The following SCHIP1 variants were observed in gnomAD, a reference collection of about 807,000 sequenced individuals.
SCHIP1 encodes schwannomin-interacting protein 1.
A neutral mutation model predicts 29.7 loss-of-function variants in SCHIP1; 8 were observed. The observed-to-expected ratio is 0.27, with a 90% confidence interval of 0.16 to 0.49. SCHIP1 has a LOEUF of 0.49. Among genes scored for constraint, SCHIP1 ranks in the 20% least tolerant of loss-of-function variants. SCHIP1 has a pLI of 0.99. For synonymous variants in SCHIP1, 76 were observed against 94.9 expected (o/e 0.80, Z 1.16); for missense variants, 193 against 294.6 (o/e 0.66, Z 2.52).
the SCHIP1 span, among the ~76,000 whole-genome samples, chr3:159,316,501 T>C: frequency 6.6e-6 from 1 of 152,190 alleles, no homozygotes; most frequent in South Asian, 2.1e-4. Flanking sequence ...TCAATCTCTA[T>C]TGGCAATACT....
the SCHIP1 span, among the ~76,000 whole-genome samples, chr3:159,624,002 A>G: frequency 7.9e-5 from 12 of 152,194 alleles, no homozygotes; most frequent in Admixed American, 2.6e-4. Context: ...CAGAAATCTG[A>G]TGTTTCCAAG....
At chr3:159,609,729 G>A in the SCHIP1 span, among the ~76,000 whole-genome samples, 161 of 152,110 alleles carry the variant, frequency 1.1e-3, no homozygotes, top group Non-Finnish European at 1.9e-3. Flanking sequence ...ACGAGCCCTG[G>A]ACGACTCGCC....
chr3:159,889,027 TACA>T, intron 5 of SCHIP1, 84 bp downstream of exon 6: 2 of 1,493,916 alleles, frequency 1.3e-6, no homozygotes, highest in Admixed American at 2.1e-5. Flanking sequence ...AACTTTTTCA[TACA>T]ACATTTCATT....
At chr3:159,570,327 T>C in the SCHIP1 span, among the ~76,000 whole-genome samples, 1 of 152,198 alleles carries the variant, frequency 6.6e-6, no homozygotes, top group Non-Finnish European at 1.5e-5. Context: ...TTGTATAAGA[T>C]GTAAGGAAGG....
At chr3:159,756,124 C>T in the SCHIP1 span, among the ~76,000 whole-genome samples, 3 of 152,366 alleles carry the variant, frequency 2.0e-5, no homozygotes, top group East Asian at 5.8e-4. Context: ...GACAGTACCT[C>T]AGTAGGGGCT....
At chr3:159,281,914 A>G in the SCHIP1 span, among the ~76,000 whole-genome samples, 1 of 152,174 alleles carries the variant, frequency 6.6e-6, no homozygotes, top group Non-Finnish European at 1.5e-5. Flanking sequence ...ATGTGTATAC[A>G]CTAGGTATTA....
the SCHIP1 span, among the ~76,000 whole-genome samples, chr3:159,762,303 G>A: frequency 1.5e-3 from 233 of 152,346 alleles, no homozygotes; most frequent in South Asian, 5.0e-3. Context: ...GCTGCTTCCA[G>A]AGGAGTTGAA....
the SCHIP1 span, among the ~76,000 whole-genome samples, chr3:159,657,583 A>C: frequency 6.6e-6 from 1 of 152,248 alleles, no homozygotes; most frequent in Non-Finnish European, 1.5e-5. Context: ...TCTTATTGGC[A>C]TAAGTTTCCT....
chr3:159,892,284 T>A, intron 6 of SCHIP1, 94 bp downstream of exon 7: 1 of 1,421,102 alleles, frequency 7.0e-7, no homozygotes. Context: ...AACTTCTTCC[T>A]CTACTTCCAT....
the SCHIP1 span, among the ~76,000 whole-genome samples, chr3:159,424,253 G>A: frequency 2.6e-5 from 4 of 151,872 alleles, no homozygotes; most frequent in East Asian, 7.7e-4. Flanking sequence ...AACTACAGGA[G>A]GAAATTCAAA....
chr3:159,320,622 CT>C, the SCHIP1 span, among the ~76,000 whole-genome samples: 157 of 150,922 alleles, frequency 1.0e-3, no homozygotes, highest in Admixed American at 4.3e-3. Context: ...TTTTTTCCCC[CT>C]GTTACAGTAA....
chr3:159,678,538 C>T, the SCHIP1 span, among the ~76,000 whole-genome samples: 2 of 152,160 alleles, frequency 1.3e-5, no homozygotes, highest in African/African-American at 4.8e-5. Flanking sequence ...TTACAATTTA[C>T]TTATATCTAA....
the SCHIP1 span, among the ~76,000 whole-genome samples, chr3:159,678,629 C>A: frequency 2.0e-5 from 3 of 152,260 alleles, no homozygotes; most frequent in Middle Eastern, 0.01. Flanking sequence ...GGTTATGTAT[C>A]GGATCAACGG....
chr3:159,787,419 G>C, the SCHIP1 span, among the ~76,000 whole-genome samples: 1 of 152,138 alleles, frequency 6.6e-6, no homozygotes, highest in African/African-American at 2.4e-5. Flanking sequence ...CTGGACACTA[G>C]ATGACTGTCA....
At chr3:159,564,381 ATT>A in the SCHIP1 span, among the ~76,000 whole-genome samples, 2 of 145,630 alleles carry the variant, frequency 1.4e-5, no homozygotes, top group East Asian at 4.0e-4. Context: ...CGTTATCTTG[ATT>A]TTTTTTTTTT....
chr3:159,384,762 TATTG>T, the SCHIP1 span, among the ~76,000 whole-genome samples: 3 of 152,120 alleles, frequency 2.0e-5, no homozygotes, highest in South Asian at 4.1e-4. Flanking sequence ...GTTGGTAAGC[TATTG>T]ATTATTGCCA....
At chr3:159,279,497 A>G in the SCHIP1 span, among the ~76,000 whole-genome samples, 2 of 152,210 alleles carry the variant, frequency 1.3e-5, no homozygotes, top group Non-Finnish European at 2.9e-5. Context: ...TACAGGTTAC[A>G]TAGAAATAAG....
chr3:159,673,110 C>A, the SCHIP1 span, among the ~76,000 whole-genome samples: 1 of 152,198 alleles, frequency 6.6e-6, no homozygotes, highest in Non-Finnish European at 1.5e-5. Context: ...ATGTTTCCCG[C>A]CTCCTCCAAT....
At chr3:159,535,770 C>T in the SCHIP1 span, among the ~76,000 whole-genome samples, 1 of 152,132 alleles carries the variant, frequency 6.6e-6, no homozygotes, top group African/African-American at 2.4e-5. Flanking sequence ...ACATAGTAAA[C>T]ATTTTAGGCT....
Sources: gnomAD v4.1 joint callset for allele counts (sites outside exome capture counted in the v4.1 genomes callset) on GRCh38, gnomAD v4.1.1 for gene constraint, MANE v1.5 for transcripts, NCBI Gene and HGNC (gene_info 2026-07-23, HGNC 2026-07-21) for gene names.